The following KCNK13 variants were observed in gnomAD, a reference collection of about 807,000 sequenced individuals.
KCNK13 encodes potassium channel subfamily K member 13.
Under a neutral mutation model 23.4 loss-of-function variants are expected in KCNK13, and 12 were observed. The ratio of observed to expected loss-of-function variants is 0.51; its 90% CI spans 0.33 to 0.83. The LOEUF (loss-of-function observed/expected upper bound fraction) is 0.83, where lower values mean the gene tolerates loss of function less well. Among genes scored for constraint, KCNK13 ranks in the 40% least tolerant of loss-of-function variants. The pLI is 0.02. For synonymous variants in KCNK13, 231 were observed against 229.5 expected (o/e 1.01, Z -0.06); for missense variants, 463 against 556.3 (o/e 0.83, Z 1.69).
chr14:90,066,977 A>T (rs1385513888), intron 1 of KCNK13, among the ~76,000 whole-genome samples: 2 of 151,780 alleles, frequency 1.3e-5, no homozygotes, highest in Non-Finnish European at 2.9e-5. Flanking sequence ...CCAAAAAAAA[A>T]GGAATGAAAT....
At chr14:90,163,209 G>C (rs1234969047) in intron 1 of KCNK13, among the ~76,000 whole-genome samples, 1 of 152,246 alleles carries the variant, frequency 6.6e-6, no homozygotes, top group Non-Finnish European at 1.5e-5. Context: ...CAAATGGCTT[G>C]TCAAGGAGAA....
chr14:90,091,240 G>A lies in KCNK13; in HGVS notation c.334+28701G>A, dbSNP rs538909261. Reference sequence around the variant, plus strand: ...GAGCAGTCAAGGTTTTCCTGATGGGGTGCATGGAGATTTTATTCCATTCTT... The same window carrying A: ...GAGCAGTCAAGGTTTTCCTGATGGGATGCATGGAGATTTTATTCCATTCTT... On this transcript the variant is annotated intron_variant, in intron 1 of 1. Transcript: ENST00000282146. 5.9e-5 allele frequency among the ~76,000 whole-genome samples: 9 copies of A among 152,280 alleles called. No individual in the cohort carries two copies. In the South Asian group the frequency reaches 1.5e-3, roughly 25 times the overall value.
intron 1 of KCNK13, among the ~76,000 whole-genome samples, chr14:90,072,866 G>C (rs1027281756): frequency 5.3e-5 from 8 of 151,602 alleles, no homozygotes; most frequent in African/African-American, 1.9e-4. Flanking sequence ...TTTTACTATT[G>C]CATAAAATAA....
rs1438485975 is a variant in KCNK13 at position 90,180,855 on chromosome 14, CT to C, written c.335-3254del. Among the ~76,000 whole-genome samples the C allele has an allele frequency of 2.0e-4, 31 of 152,126 alleles. No individual in the cohort carries two copies. The East Asian group carries it at 3.1e-3, about 15-fold the overall frequency. ...TGTGTTGGCCTTTGACTCACTGTGG[CT>C]TGATTTTTTCTTTTTTTTTCAGACA... On this transcript the variant is annotated intron_variant, in intron 1 of 1. Coordinates refer to ENST00000282146, the MANE Select transcript of KCNK13 (RefSeq NM_022054.4).
At chr14:90,108,164 G>A (rs1226290336) in intron 1 of KCNK13, among the ~76,000 whole-genome samples, 1 of 152,200 alleles carries the variant, frequency 6.6e-6, no homozygotes, top group Non-Finnish European at 1.5e-5. Flanking sequence ...GGCCAAGAAG[G>A]TTGATGGGCC....
intron 1 of KCNK13, among the ~76,000 whole-genome samples, chr14:90,173,561 A>C (rs1480411219): frequency 5.9e-5 from 9 of 152,132 alleles, no homozygotes; most frequent in Admixed American, 5.9e-4. Flanking sequence ...TGCCAGGTGC[A>C]GTAAGGCCAG....
At chr14:90,182,415 C>A (rs1202049267) in intron 1 of KCNK13, among the ~76,000 whole-genome samples, 2 of 152,108 alleles carry the variant, frequency 1.3e-5, no homozygotes, top group Non-Finnish European at 2.9e-5. Flanking sequence ...GCTGTAGCAA[C>A]AAGGAACTAT....
intron 1 of KCNK13, among the ~76,000 whole-genome samples, chr14:90,075,694 T>A (rs1889126349): frequency 6.6e-6 from 1 of 152,196 alleles, no homozygotes; most frequent in Non-Finnish European, 1.5e-5. Flanking sequence ...TTGCCCAGGC[T>A]GGTCTTGAAC....
At chr14:90,178,231 C>CAAAAAAAAAAAAA (rs34726346) in intron 1 of KCNK13, among the ~76,000 whole-genome samples, 2 of 75,070 alleles carry the variant, frequency 2.7e-5, no homozygotes, top group African/African-American at 9.0e-5. Context: ...TTCCTAAAAG[C>CAAAAAAAAAAAAA]AAAAAAAAAA....
At chr14:90,159,431 C>T (rs1890228540) in intron 1 of KCNK13, among the ~76,000 whole-genome samples, 1 of 152,228 alleles carries the variant, frequency 6.6e-6, no homozygotes, top group African/African-American at 2.4e-5. Flanking sequence ...CACAATCAAT[C>T]AGGCAGATGG....
At chr14:90,121,702 C>T (rs1363358117) in intron 1 of KCNK13, among the ~76,000 whole-genome samples, 1 of 152,054 alleles carries the variant, frequency 6.6e-6, no homozygotes, top group African/African-American at 2.4e-5. Flanking sequence ...TGCCTTTCAG[C>T]CTTACCTTTG....
chr14:90,073,530 A>C (rs1285137386), intron 1 of KCNK13, among the ~76,000 whole-genome samples: 2 of 152,228 alleles, frequency 1.3e-5, no homozygotes, highest in Non-Finnish European at 2.9e-5. Flanking sequence ...GCAGCTGATG[A>C]AGATCACAAG....
intron 1 of KCNK13, among the ~76,000 whole-genome samples, chr14:90,098,652 C>T (rs1889438981): frequency 6.7e-6 from 1 of 148,988 alleles, no homozygotes; most frequent in Admixed American, 6.7e-5. Flanking sequence ...GACTCGGTCT[C>T]CAAAAAAAAA....
At chr14:90,070,677 T>C (rs1889063023) in intron 1 of KCNK13, among the ~76,000 whole-genome samples, 1 of 152,266 alleles carries the variant, frequency 6.6e-6, no homozygotes, top group Non-Finnish European at 1.5e-5. Flanking sequence ...TCCGTAAGAA[T>C]GCAAGCTTTT....
intron 1 of KCNK13, among the ~76,000 whole-genome samples, chr14:90,174,881 TAAATA>T (rs1048762928): frequency 8.0e-4 from 122 of 151,702 alleles, no homozygotes; most frequent in African/African-American, 2.9e-3. Flanking sequence ...AAATAAATAA[TAAATA>T]AAATAAAATA....
At chr14:90,099,637 G>C (rs1197724818) in intron 1 of KCNK13, among the ~76,000 whole-genome samples, 1 of 152,132 alleles carries the variant, frequency 6.6e-6, no homozygotes, top group Non-Finnish European at 1.5e-5. Flanking sequence ...AAATGTTGAG[G>C]ACTCTAGATG....
At chr14:90,168,540 T>C (rs1596808503) in intron 1 of KCNK13, among the ~76,000 whole-genome samples, 2 of 152,162 alleles carry the variant, frequency 1.3e-5, no homozygotes, top group African/African-American at 2.4e-5. Context: ...GCCATGACTC[T>C]AGCTCGTAGG....
chr14:90,141,408 C>G (rs927252979), intron 1 of KCNK13, among the ~76,000 whole-genome samples: 2 of 152,196 alleles, frequency 1.3e-5, no homozygotes, highest in Non-Finnish European at 2.9e-5. Context: ...AGGTAAGGAA[C>G]AGATGCATCA....
intron 1 of KCNK13, among the ~76,000 whole-genome samples, chr14:90,086,516 G>A (rs2140398172): frequency 6.6e-6 from 1 of 152,230 alleles, no homozygotes; most frequent in South Asian, 2.1e-4. Context: ...CTATGGCCCC[G>A]GTTCAGTATT....
Sources: allele counts gnomAD v4.1 joint callset (sites outside exome capture counted in the v4.1 genomes callset), GRCh38; gene constraint gnomAD v4.1.1; transcripts MANE v1.5; gene names NCBI Gene and HGNC (gene_info 2026-07-23, HGNC 2026-07-21).